TRDN: variants seen among roughly 807,000 people sequenced by gnomAD.
The protein encoded by TRDN is triadin, also known as triadin in skeletal muscle.
TRDN carries 161 observed loss-of-function variants against 149.7 expected under a neutral mutation model. The observed-to-expected ratio is 1.08, with a 90% CI of 0.95 to 1.23. TRDN has a LOEUF of 1.23. Ranked by LOEUF, TRDN falls within the 50% of genes most tolerant of loss-of-function variation. The pLI is 0.00. For missense variants in TRDN, 896 were observed against 823.5 expected (o/e 1.09, Z -1.08); for synonymous variants, 294 against 250.5 (o/e 1.17, Z -1.64).
chr6:123,252,256 G>GT (rs1185291897), intron 38 of TRDN, among the ~76,000 whole-genome samples, 156 bp downstream of exon 38: 1 of 151,194 alleles, frequency 6.6e-6, no homozygotes, highest in Non-Finnish European at 1.5e-5. Flanking sequence ...AAGTTTCAAC[G>GT]TAAGTAACAA....
intron 10 of TRDN, among the ~76,000 whole-genome samples, chr6:123,439,303 A>C (rs1029785184): frequency 3.3e-5 from 5 of 152,218 alleles, no homozygotes; most frequent in Non-Finnish European, 4.4e-5. Context: ...TGAACCAAAC[A>C]ATTGTTTATC....
At chr6:123,287,129 T>A (rs922825526) in intron 24 of TRDN, among the ~76,000 whole-genome samples, 1 of 152,176 alleles carries the variant, frequency 6.6e-6, no homozygotes, top group African/African-American at 2.4e-5. Context: ...ATCTCACCAA[T>A]AAAATATAAA....
intron 2 of TRDN, among the ~76,000 whole-genome samples, chr6:123,568,867 C>T (rs1583261036): frequency 2.0e-5 from 3 of 152,328 alleles, no homozygotes; most frequent in East Asian, 3.9e-4. Context: ...TGGCTATCAG[C>T]ACGTAGCTTC....
chr6:123,529,526 C>T (rs1780124198), intron 5 of TRDN: 1 of 624,722 alleles, frequency 1.6e-6, no homozygotes, highest in East Asian at 3.1e-5. Flanking sequence ...ATTTTAAAAA[C>T]AACAGCAACA....
In TRDN at chr6:123,456,457, T is replaced by C. The variant is rs999371088; in HGVS notation, c.931+8449A>G. On this transcript the variant is annotated intron_variant, in intron 10 of 40. Transcript: ENST00000334268. ...GTTTTTATATAAAATTCTCATTTAA[T>C]TGAAGCAGGCATTTTTTTTTTCTTT... Among the ~76,000 whole-genome samples, 50 of 151,484 alleles carry C rather than the reference T, an allele frequency of 3.3e-4. 1 individual carries two copies. The highest frequency in any genetic ancestry group is 6.6e-5 in the Admixed American group (1 of 15,212).
intron 9 of TRDN, among the ~76,000 whole-genome samples, chr6:123,473,618 G>C (rs1393613327): frequency 1.3e-5 from 2 of 151,444 alleles, no homozygotes; most frequent in Non-Finnish European, 1.5e-5. Context: ...TCCTCGAGAA[G>C]AGCAACTCCA....
chr6:123,575,885 G>A (rs1923182), intron 1 of TRDN, among the ~76,000 whole-genome samples: 136,787 of 152,098 alleles, frequency 0.9, 61,680 homozygotes, highest in East Asian at 1. Flanking sequence ...CCTGTGGGAC[G>A]CTGACAATAC....
In TRDN at chr6:123,487,306, C is replaced by T. The variant is rs149729086; in HGVS notation, c.853+9887G>A. Among the ~76,000 whole-genome samples, 235 of 152,130 alleles carry T rather than the reference C, an allele frequency of 1.5e-3. 1 individual carries two copies. The highest frequency in any genetic ancestry group is 5.3e-3 in the African/African-American group (219 of 41,518). Reference sequence around the variant, plus strand: ...TGTTGGTCCTCCTTTAAGTCTAGATCTCATTTAAGTATCCACCACATATGT... The same window carrying T: ...TGTTGGTCCTCCTTTAAGTCTAGATTTCATTTAAGTATCCACCACATATGT... On this transcript the variant is annotated intron_variant, in intron 9 of 40. Transcript: ENST00000334268.
chr6:123,575,523 C>A (rs1202451987), intron 1 of TRDN, among the ~76,000 whole-genome samples: 1 of 152,026 alleles, frequency 6.6e-6, no homozygotes, highest in African/African-American at 2.4e-5. Flanking sequence ...ATGGGCTATG[C>A]CTCTTGAAAG....
intron 1 of TRDN, among the ~76,000 whole-genome samples, chr6:123,604,992 C>T (rs1212327419): frequency 1.3e-5 from 2 of 151,690 alleles, no homozygotes; most frequent in Admixed American, 6.6e-5. Context: ...GACAAATATG[C>T]CAAACACGTA....
intron 24 of TRDN, among the ~76,000 whole-genome samples, chr6:123,315,452 C>T (rs1358088037): frequency 6.6e-6 from 1 of 151,770 alleles, no homozygotes; most frequent in Non-Finnish European, 1.5e-5. Flanking sequence ...TTATTTTGAT[C>T]TGATGGCAAT....
rs886061027 is a variant in TRDN, at chr6:123,217,967, C to G, written c.*634G>C. ...ATCTTAAAGATTTATCAAGCATTTA[C>G]TCTCCACCTTACCATGTCTAAAGCT... is the stretch of plus-strand genomic sequence containing the variant. On this transcript the variant is annotated 3_prime_UTR_variant, in exon 41 of 41. Coordinates refer to ENST00000334268, the MANE Select transcript of TRDN (RefSeq NM_006073.4). 1 of 152,042 alleles carries G rather than the reference C, an allele frequency of 6.6e-6. No homozygotes were observed. Among genetic ancestry groups the G allele is most frequent in the East Asian group, 1.9e-4 (1 of 5,140 alleles). The allele number at this position is 152,042 out of a possible 1,614,324, so 9.4% of individuals were successfully genotyped here.
intron 21 of TRDN, among the ~76,000 whole-genome samples, chr6:123,339,466 G>C (rs1373626896): frequency 6.6e-6 from 1 of 152,122 alleles, no homozygotes; most frequent in African/African-American, 2.4e-5. Context: ...TGAAAGTATT[G>C]TGTTTCATAT....
intron 1 of TRDN, among the ~76,000 whole-genome samples, chr6:123,578,855 G>A (rs535721486): frequency 6.6e-6 from 1 of 152,132 alleles, no homozygotes; most frequent in Non-Finnish European, 1.5e-5. Context: ...TCATTGTAGA[G>A]ATCTTTTACC....
At chr6:123,478,340 A>T (rs1455807786) in intron 9 of TRDN, among the ~76,000 whole-genome samples, 1 of 152,192 alleles carries the variant, frequency 6.6e-6, no homozygotes, top group African/African-American at 2.4e-5. Context: ...GAGGCCCAGT[A>T]CTTAAAGACC....
Position 123,376,855 on chromosome 6 carries a change from T to A in TRDN, c.1246+861A>T, listed in dbSNP as rs557764187. Among the ~76,000 whole-genome samples the A allele has an allele frequency of 5.3e-5, 8 of 152,124 alleles. No homozygotes were observed. In the South Asian group the frequency reaches 1.2e-3, roughly 24 times the overall value. Reference sequence around the variant, plus strand: ...AAAATGAAATGGGAAGAATGACTGATAGGTATTACATAAGGTTATGATCAC... The same window carrying A: ...AAAATGAAATGGGAAGAATGACTGAAAGGTATTACATAAGGTTATGATCAC... On this transcript the variant is annotated intron_variant, in intron 18 of 40. Coordinates refer to ENST00000334268, the MANE Select transcript of TRDN (RefSeq NM_006073.4).
Position 123,310,264 on chromosome 6 carries a change from A to T in TRDN, c.1510+6193T>A, listed in dbSNP as rs547575235. 4.4e-4 allele frequency among the ~76,000 whole-genome samples: 67 copies of T among 152,186 alleles called. 2 individuals are homozygous for T. The South Asian group carries it at 0.014, about 32-fold the overall frequency. On this transcript the variant is annotated intron_variant, in intron 24 of 40. Coordinates refer to ENST00000334268, the MANE Select transcript of TRDN (RefSeq NM_006073.4). ...TGCTGAGAATGCTCCAAAGAAGCATAAAAAAGTCATAACATTAATGGAAAA... is the reference window on the plus strand; with the variant it reads ...TGCTGAGAATGCTCCAAAGAAGCATTAAAAAGTCATAACATTAATGGAAAA...
intron 2 of TRDN, among the ~76,000 whole-genome samples, chr6:123,556,612 CTTCCTCTTCCTCCTA>C (rs1781673075): frequency 2.0e-5 from 3 of 151,842 alleles, no homozygotes; most frequent in Admixed American, 6.6e-5. Context: ...CCTCCTTCTT[CTTCCTCTTCCTCCTA>C]TTCCTCTTCC....
At chr6:123,489,721 A>G (rs1490691987) in intron 9 of TRDN, 7 of 151,504 alleles carry the variant, frequency 4.6e-5, no homozygotes, top group Admixed American at 4.6e-4. Context: ...ACAATGCTTA[A>G]AACTAAAACA....
Sources: allele counts gnomAD v4.1 joint callset (sites outside exome capture counted in the v4.1 genomes callset), GRCh38; gene constraint gnomAD v4.1.1; transcripts MANE v1.5; gene names NCBI Gene and HGNC (gene_info 2026-07-23, HGNC 2026-07-21).